Variants in KCNH7 observed in about 807,000 individuals in gnomAD.
KCNH7 encodes voltage-gated inwardly rectifying potassium channel KCNH7.
In KCNH7, 49 loss-of-function variants were observed where a neutral mutation model predicts 120.8. That is an observed-to-expected ratio of 0.41 (90% CI 0.32 to 0.51). The LOEUF is 0.51. Ranked by LOEUF, KCNH7 falls within the 20% of genes least tolerant of loss-of-function variation. KCNH7 has a pLI of 0.38. For synonymous variants in KCNH7, 547 were observed against 516.1 expected, an observed-to-expected ratio of 1.06 and a Z score of -0.81; for missense variants, 1,097 against 1,446.6, an observed-to-expected ratio of 0.76 and a Z score of 3.92.
rs969650051 is a variant in KCNH7, at chr2:162,510,933, T to C, written c.913+1721A>G. Among the ~76,000 whole-genome samples, 4 of 151,790 alleles carry C rather than the reference T, an allele frequency of 2.6e-5. No individual in the cohort carries two copies. The East Asian group carries it at 7.8e-4, about 30-fold the overall frequency. ...CATTAAATTTAATTAAGTTTGCAAATGTTTTCTCCAATTTGGGGATATAAC... is the reference window on the plus strand; with the variant it reads ...CATTAAATTTAATTAAGTTTGCAAACGTTTTCTCCAATTTGGGGATATAAC... On this transcript the variant is annotated intron_variant, in intron 5 of 15. Coordinates refer to ENST00000332142, the MANE Select transcript of KCNH7 (RefSeq NM_033272.4).
Position 162,828,840 on chromosome 2 carries a change from C to T in KCNH7, c.307+7697G>A, listed in dbSNP as rs148416050. On this transcript the variant is annotated intron_variant, in intron 2 of 15. Coordinates refer to ENST00000332142, the MANE Select transcript of KCNH7 (RefSeq NM_033272.4). ...CTCACTCCTCCCTTGAATTCCTGCC[C>T]ACTGAGCACCAGCCACAGCTGTTTT... is the stretch of plus-strand genomic sequence containing the variant. Among the ~76,000 whole-genome samples the T allele has an allele frequency of 1.1e-3, 170 of 152,190 alleles. 3 individuals carry two copies. The highest frequency in any genetic ancestry group is 3.9e-3 in the African/African-American group (164 of 41,524).
intron 2 of KCNH7, among the ~76,000 whole-genome samples, chr2:162,814,788 A>G (rs1000176031): frequency 1.3e-5 from 2 of 152,174 alleles, no homozygotes; most frequent in Non-Finnish European, 2.9e-5. Context: ...TTTCACTGGC[A>G]TGCTCTCTTT....
chr2:162,504,532 T>C lies in KCNH7; in HGVS notation c.1039A>G (p.Lys347Glu). Residue 347 changes from lysine to glutamate, a missense_variant, in exon 6 of 16, where the codon AAG becomes GAG. Physicochemically the swap from Lys to Glu is moderately conservative, Grantham distance 56. Coordinates refer to ENST00000332142, the MANE Select transcript of KCNH7 (RefSeq NM_033272.4). ...LNFSEVKTEK[K>E]NSSPPSSDKT... The stretch of plus-strand genomic sequence containing the variant: ...TCTGAAGAAGGAGGTGATGAATTCT[T>C]TTTCTCAGTTTTGACCTCTGAAAAA... 6.2e-7 allele frequency: 1 copy of C among 1,613,078 alleles called. No individual in the cohort carries two copies. The highest frequency in any genetic ancestry group is 8.5e-7 in the Non-Finnish European group (1 of 1,179,340).
chr2:162,752,903 AAAAAGAAAAGAAAAG>A (rs1332067169), intron 2 of KCNH7, among the ~76,000 whole-genome samples: 2 of 32,024 alleles, frequency 6.2e-5, no homozygotes, highest in African/African-American at 1.0e-4. Context: ...TACATCTCAG[AAAAAGAAAAGAAAAG>A]AAAAGAAAAG....
chr2:162,602,760 A>T (rs771493342), intron 2 of KCNH7, among the ~76,000 whole-genome samples: 7 of 152,040 alleles, frequency 4.6e-5, no homozygotes, highest in Non-Finnish European at 7.4e-5. Context: ...GTATCAATGA[A>T]TAAACAGAGG....
intron 9 of KCNH7, among the ~76,000 whole-genome samples, chr2:162,417,853 T>C (rs1687585686): frequency 6.6e-6 from 1 of 152,152 alleles, no homozygotes; most frequent in Non-Finnish European, 1.5e-5. Context: ...AAGCTTGACA[T>C]TGTTCATGTC....
chr2:162,780,211 A>G (rs1683422598), intron 2 of KCNH7, among the ~76,000 whole-genome samples: 1 of 152,188 alleles, frequency 6.6e-6, no homozygotes, highest in Non-Finnish European at 1.5e-5. Flanking sequence ...TTCCTCCACA[A>G]AAAAACTGTA....
rs80191418 is a variant in KCNH7 at position 162,835,274 on chromosome 2, A to C, written c.307+1263T>G. Among the ~76,000 whole-genome samples the C allele has an allele frequency of 1.7e-3, 257 of 152,224 alleles. 1 individual carries two copies. The highest frequency in any genetic ancestry group is 6.0e-3 in the African/African-American group (248 of 41,588). ...TTTAGTAATGTTTTGTAACCACTCA[A>C]CTTCATGTTAAGGAAAATGTAGTAA... On this transcript the variant is annotated intron_variant, in intron 2 of 15. Transcript: ENST00000332142.
rs183879430 is a variant in KCNH7 at position 162,760,279 on chromosome 2, T to C, written c.307+76258A>G. On this transcript the variant is annotated intron_variant, in intron 2 of 15. Coordinates refer to ENST00000332142, the MANE Select transcript of KCNH7 (RefSeq NM_033272.4). ...AGAAAAACAAAAAACAATACTTTGCTCTGACATACATTGGTTAAACAGGAA... is the reference window on the plus strand; with the variant it reads ...AGAAAAACAAAAAACAATACTTTGCCCTGACATACATTGGTTAAACAGGAA... Among the ~76,000 whole-genome samples the C allele has an allele frequency of 1.7e-3, 260 of 152,226 alleles. 1 individual carries two copies. Among genetic ancestry groups the C allele is most frequent in the Non-Finnish European group, 1.8e-3 (124 of 67,974 alleles).
At chr2:162,673,866 T>C (rs894597726) in intron 2 of KCNH7, among the ~76,000 whole-genome samples, 1 of 151,880 alleles carries the variant, frequency 6.6e-6, no homozygotes, top group African/African-American at 2.4e-5. Context: ...ACAAAGGAAA[T>C]TAGCAAATTA....
intron 2 of KCNH7, among the ~76,000 whole-genome samples, chr2:162,754,047 A>C (rs1679230126): frequency 6.6e-6 from 1 of 152,138 alleles, no homozygotes; most frequent in Non-Finnish European, 1.5e-5. Context: ...ATCCAAATAC[A>C]AGAGAATAAT....
At chr2:162,511,898 A>T (rs1200972910) in intron 5 of KCNH7, among the ~76,000 whole-genome samples, 3 of 151,754 alleles carry the variant, frequency 2.0e-5, no homozygotes, top group Non-Finnish European at 4.4e-5. Context: ...TGCATGGCCT[A>T]TGTTGAAAGA....
intron 2 of KCNH7, among the ~76,000 whole-genome samples, chr2:162,702,021 A>C (rs1298469885): frequency 6.6e-6 from 1 of 152,040 alleles, no homozygotes; most frequent in African/African-American, 2.4e-5. Context: ...AAAAAAAAGA[A>C]AAAAAACTTT....
At chr2:162,551,012 G>T (rs1011377921) in intron 2 of KCNH7, among the ~76,000 whole-genome samples, 1 of 152,062 alleles carries the variant, frequency 6.6e-6, no homozygotes, top group African/African-American at 2.4e-5. Context: ...GACTTTCCAA[G>T]ATTAAATTCC....
chr2:162,519,926 T>C (rs1397717604), intron 3 of KCNH7, among the ~76,000 whole-genome samples: 1 of 151,722 alleles, frequency 6.6e-6, no homozygotes, highest in South Asian at 2.1e-4. Context: ...CTCATGAACA[T>C]TTCTCCATTT....
At chr2:162,554,216 C>A (rs1046029625) in intron 2 of KCNH7, among the ~76,000 whole-genome samples, 5 of 152,284 alleles carry the variant, frequency 3.3e-5, no homozygotes, top group African/African-American at 1.2e-4. Flanking sequence ...AAAATCAAGA[C>A]AACATATTGG....
intron 2 of KCNH7, among the ~76,000 whole-genome samples, chr2:162,667,006 T>G (rs565281357): frequency 6.8e-6 from 1 of 146,180 alleles, no homozygotes; most frequent in African/African-American, 2.7e-5. Context: ...TAGTCTATTC[T>G]TTTTTCTTTT....
intron 3 of KCNH7, among the ~76,000 whole-genome samples, chr2:162,521,318 A>G (rs1033562939): frequency 3.3e-5 from 5 of 151,896 alleles, no homozygotes; most frequent in African/African-American, 1.2e-4. Context: ...TAGGAAAACT[A>G]GAATATTTAA....
chr2:162,515,446 G>A (rs576192122), intron 4 of KCNH7, among the ~76,000 whole-genome samples: 21 of 151,836 alleles, frequency 1.4e-4, no homozygotes, highest in Admixed American at 3.3e-4. Context: ...TCAGTAAAAT[G>A]CACTGATTAT....
Sources: allele counts gnomAD v4.1 joint callset (sites outside exome capture counted in the v4.1 genomes callset), GRCh38; gene constraint gnomAD v4.1.1; transcripts MANE v1.5; gene names NCBI Gene and HGNC (gene_info 2026-07-23, HGNC 2026-07-21).